COL19A1: variants seen among roughly 807,000 people sequenced by gnomAD.
COL19A1 encodes the protein collagen type XIX alpha 1 chain.
A neutral mutation model predicts 190.2 loss-of-function variants in COL19A1; 159 were observed. That is an observed-to-expected ratio of 0.84 (90% confidence interval 0.73 to 0.95). The LOEUF is 0.95. COL19A1 is among the 40% of genes least tolerant of loss of function. The pLI is 0.00. For missense variants in COL19A1, 1,418 were observed against 1,431.9 expected (o/e 0.99, Z 0.16); for synonymous variants, 509 against 458.9 (o/e 1.11, Z -1.39).
chr6:70,175,026 A>G (rs527601746), intron 41 of COL19A1, among the ~76,000 whole-genome samples: 35 of 152,372 alleles, frequency 2.3e-4, no homozygotes, highest in African/African-American at 8.4e-4. Flanking sequence ...GAGGCATGAG[A>G]CATGCAAATA....
chr6:70,142,117 G>A (rs769645639), intron 22 of COL19A1, 41 bp downstream of exon 22: 17 of 1,570,466 alleles, frequency 1.1e-5, no homozygotes, highest in Non-Finnish European at 1.5e-5. Flanking sequence ...AAATAATTTG[G>A]GAATTGTAGC....
chr6:70,115,804 T>G (rs60465819), intron 16 of COL19A1, among the ~76,000 whole-genome samples: 19,982 of 145,520 alleles, frequency 0.14, 1,706 homozygotes, highest in South Asian at 0.29. Flanking sequence ...TTGTTTTTTT[T>G]GTTTTGTTTT....
intron 11 of COL19A1, among the ~76,000 whole-genome samples, chr6:69,982,196 T>G (rs1425490424): frequency 6.6e-6 from 1 of 152,172 alleles, no homozygotes; most frequent in Non-Finnish European, 1.5e-5. Context: ...TTTTTATTTT[T>G]ATTTTCATTT....
intron 37 of COL19A1, among the ~76,000 whole-genome samples, chr6:70,167,156 T>C (rs542620841): frequency 6.6e-6 from 1 of 152,340 alleles, no homozygotes; most frequent in Non-Finnish European, 1.5e-5. Flanking sequence ...GGAGCGTTTG[T>C]CTTCCATCAC....
chr6:70,024,057 T>C (rs1778594456), intron 12 of COL19A1, among the ~76,000 whole-genome samples: 1 of 152,174 alleles, frequency 6.6e-6, no homozygotes, highest in Non-Finnish European at 1.5e-5. Context: ...GGCGTCTGTA[T>C]TGGTAGGCTT....
intron 15 of COL19A1, among the ~76,000 whole-genome samples, chr6:70,091,305 G>T (rs9454966): frequency 0.19 from 28,581 of 151,898 alleles, 3,854 homozygotes; most frequent in African/African-American, 0.35. Flanking sequence ...ATATTTTGAG[G>T]ATTAAATGAA....
intron 48 of COL19A1, among the ~76,000 whole-genome samples, chr6:70,196,543 T>C (rs1338817395): frequency 6.6e-6 from 1 of 152,232 alleles, no homozygotes; most frequent in Non-Finnish European, 1.5e-5. Context: ...AAGATAGACA[T>C]GGGCCAGATG....
chr6:70,103,151 G>A (rs1487418870), intron 16 of COL19A1, among the ~76,000 whole-genome samples: 1 of 152,110 alleles, frequency 6.6e-6, no homozygotes, highest in African/African-American at 2.4e-5. Context: ...TACCACAAAA[G>A]TATAATGTCC....
Position 70,156,696 on chromosome 6 carries a change from T to G in COL19A1, c.2265T>G (p.Pro755=), listed in dbSNP as rs141708197. 2.6e-5 allele frequency: 42 copies of G among 1,611,582 alleles called. No homozygotes were observed. The African/African-American group carries it at 5.2e-4, about 20-fold the overall frequency. Residue 755 remains proline (P), a synonymous_variant, in exon 34 of 51, where the codon CCT becomes CCG. Transcript: ENST00000620364. ...PKGSKGERGY[P]GIPGEKGDEG... ...GAAGCAAAGGAGAGCGGGGCTACCCTGGGATACCTGGGGAGAAAGGCGATG... is the reference window on the plus strand; with the variant it reads ...GAAGCAAAGGAGAGCGGGGCTACCCGGGGATACCTGGGGAGAAAGGCGATG...
intron 31 of COL19A1, among the ~76,000 whole-genome samples, chr6:70,151,736 T>C (rs558789072): frequency 3.3e-5 from 5 of 152,252 alleles, no homozygotes; most frequent in African/African-American, 1.2e-4. Context: ...ATTAGCACTC[T>C]GGAGTAGATT....
At chr6:70,070,264 AT>A (rs748866337) in intron 15 of COL19A1, among the ~76,000 whole-genome samples, 9 of 152,168 alleles carry the variant, frequency 5.9e-5, no homozygotes, top group Admixed American at 4.6e-4. Context: ...AGATTAAAGA[AT>A]AAATTAAACA....
intron 14 of COL19A1, among the ~76,000 whole-genome samples, chr6:70,067,975 T>C (rs1435087206): frequency 6.6e-6 from 1 of 152,054 alleles, no homozygotes; most frequent in African/African-American, 2.4e-5. Context: ...ATGTTATGAG[T>C]AGGCATGTTT....
rs2150118148 is a variant in COL19A1 at position 70,035,919 on chromosome 6, C to T, written c.1150C>T (p.Pro384Ser). Residue 384 changes from proline to serine, a missense_variant, in exon 14 of 51, where the codon CCA (proline) becomes TCA (serine). Transcript: ENST00000620364. ...TCTATTTTAGGGAGATACAGGACCC[C>T]CAGGACCACCAGCCTTACCTGTAAG... ...PKGEKGDTGP[P>S]GPPALPGSLG... 1 of 1,613,302 alleles carries T rather than the reference C, an allele frequency of 6.2e-7. No individual in the cohort carries two copies. Among genetic ancestry groups the T allele is most frequent in the Non-Finnish European group, 8.5e-7 (1 of 1,179,420 alleles).
intron 15 of COL19A1, 109 bp downstream of exon 15, chr6:70,068,585 A>T (rs1385451911): frequency 1.6e-6 from 1 of 614,698 alleles, no homozygotes; most frequent in African/African-American, 1.9e-5. Context: ...GCATATGGAG[A>T]GTATCAATTA....
At chr6:70,207,043 T>C (rs913029022) in intron 50 of COL19A1, 65 bp downstream of exon 50, 4 of 1,604,722 alleles carry the variant, frequency 2.5e-6, no homozygotes, top group Admixed American at 3.4e-5. Context: ...GCTTCTCCCC[T>C]AGGGTCCTTA....
At chr6:69,966,341 T>C (rs1377903913) in intron 11 of COL19A1, among the ~76,000 whole-genome samples, 1 of 152,066 alleles carries the variant, frequency 6.6e-6, no homozygotes, top group Non-Finnish European at 1.5e-5. Flanking sequence ...GGGGGAAATG[T>C]GGGGAAAAGA....
intron 15 of COL19A1, among the ~76,000 whole-genome samples, chr6:70,091,700 G>A (rs1782936123): frequency 1.3e-5 from 2 of 152,084 alleles, no homozygotes; most frequent in Admixed American, 1.3e-4. Flanking sequence ...CTGCCTTTAG[G>A]ATACTTCCCT....
chr6:69,922,405 TA>T (rs1772037347), intron 4 of COL19A1, among the ~76,000 whole-genome samples: 1 of 151,228 alleles, frequency 6.6e-6, no homozygotes. Context: ...CAGCAGAAAC[TA>T]CTCATGAGAT....
intron 14 of COL19A1, among the ~76,000 whole-genome samples, chr6:70,062,955 A>G (rs1324586928): frequency 4.6e-5 from 7 of 152,140 alleles, no homozygotes; most frequent in Admixed American, 2.0e-4. Context: ...TATGCACCCA[A>G]TACAGGAGCA....
Sources: allele counts gnomAD v4.1 joint callset (sites outside exome capture counted in the v4.1 genomes callset), GRCh38; gene constraint gnomAD v4.1.1; transcripts MANE v1.5; gene names NCBI Gene and HGNC (gene_info 2026-07-23, HGNC 2026-07-21).